BFAR: variants seen among roughly 807,000 people sequenced by gnomAD.
BFAR encodes RING finger protein 47.
BFAR carries 52 observed loss-of-function variants against 54.4 expected under a neutral mutation model. The observed-to-expected ratio is 0.96, with a 90% CI of 0.77 to 1.21. BFAR has a LOEUF of 1.21. BFAR is among the 50% of genes most tolerant of loss of function. The probability of loss-of-function intolerance (pLI) is 0.00; values close to 1 mark genes in which losing one functional copy is unlikely to be tolerated. For synonymous variants in BFAR, 215 were observed against 204.3 expected (o/e 1.05, Z -0.45); for missense variants, 571 against 534.0 (o/e 1.07, Z -0.68).
chr16:14,639,633 T>C (rs1392713933), intron 1 of BFAR, among the ~76,000 whole-genome samples: 2 of 152,158 alleles, frequency 1.3e-5, no homozygotes, highest in African/African-American at 4.8e-5. Flanking sequence ...AGAAACAAGT[T>C]CTTTAGTTAC....
rs1330893011 is a variant in BFAR at position 14,652,795 on chromosome 16, ATT to A, written c.639-2269_639-2268del. Among the ~76,000 whole-genome samples the A allele has an allele frequency of 3.3e-5, 5 of 152,174 alleles. No homozygotes were observed. In the East Asian group the frequency reaches 9.6e-4, roughly 29 times the overall value. ...TTTGTATGTATACATGTATATATAT[ATT>A]TACATCTATATCCACCCCCTAAGGG... On this transcript the variant is annotated intron_variant, in intron 4 of 7. Coordinates refer to ENST00000261658, the MANE Select transcript of BFAR (RefSeq NM_016561.3).
At chr16:14,637,572 C>T (rs918199340) in intron 1 of BFAR, among the ~76,000 whole-genome samples, 44 of 152,284 alleles carry the variant, frequency 2.9e-4, no homozygotes, top group South Asian at 6.2e-4. Flanking sequence ...CAATGGCTCA[C>T]GCCTGTAAAT....
Position 14,665,059 on chromosome 16 carries a change from G to C in BFAR, c.1148G>C (p.Arg383Thr). The C allele has an allele frequency of 6.2e-7, 1 of 1,610,494 alleles. No individual in the cohort carries two copies. Among genetic ancestry groups the C allele is most frequent in the Non-Finnish European group, 8.5e-7 (1 of 1,176,712 alleles). Residue 383 changes from arginine (R) to threonine (T), a missense_variant, in exon 7 of 8, where the codon AGA becomes ACA. Physicochemically the swap from Arg to Thr is moderately conservative, Grantham distance 71. Coordinates refer to ENST00000261658, the MANE Select transcript of BFAR (RefSeq NM_016561.3). ...TTCTCCTTTTGGAGAATCTGGTCGA[G>C]AAGTGAACTGAAGTAAGTATGTTTT... ...ELFSFWRIWS[R>T]SELKTVPQRM...
At position 14,667,889 on chromosome 16, in the gene BFAR, A is replaced by G; in HGVS notation, c.*62A>G. The G allele has an allele frequency of 2.0e-6, 3 of 1,524,490 alleles. No homozygotes were observed. The highest frequency in any genetic ancestry group is 2.7e-6 in the Non-Finnish European group (3 of 1,106,778). The allele number at this position is 1,524,490 out of a possible 1,614,324, so 94.4% of individuals were successfully genotyped here. A position where few individuals can be genotyped will look rare whatever the true frequency, so the allele number is the denominator to read the frequency against. ...TGACGTCTGAGCTTTGATGCTTAAG[A>G]GGGGTGAGGCAGGGAGCGGACTTCC... On this transcript the variant is annotated 3_prime_UTR_variant, in exon 8 of 8. Coordinates refer to ENST00000261658, the MANE Select transcript of BFAR (RefSeq NM_016561.3).
intron 4 of BFAR, chr16:14,650,333 AAGAG>A (rs898994476): frequency 8.9e-4 from 156 of 175,994 alleles, no homozygotes; most frequent in African/African-American, 3.2e-3. Context: ...CCATCTCAAA[AAGAG>A]AGAGAGAGAG....
Position 14,659,239 on chromosome 16 carries a change from T to G in BFAR, c.784-2653T>G, listed in dbSNP as rs1000183091. ...TATGCAATTTGGTTTTTTTTGTTTTTTTTTGTTTTTTGTTTTTTTTTGAAA... is the reference window on the plus strand; with the variant it reads ...TATGCAATTTGGTTTTTTTTGTTTTGTTTTGTTTTTTGTTTTTTTTTGAAA... On this transcript the variant is annotated intron_variant, in intron 5 of 7. Transcript: ENST00000261658. Among the ~76,000 whole-genome samples the G allele has an allele frequency of 2.1e-4, 31 of 147,944 alleles. 1 individual carries two copies. Among genetic ancestry groups the G allele is most frequent in the South Asian group, 8.6e-4 (4 of 4,648 alleles).
chr16:14,646,899 G>A (rs907929538), intron 2 of BFAR, among the ~76,000 whole-genome samples: 2 of 151,954 alleles, frequency 1.3e-5, no homozygotes, highest in Non-Finnish European at 2.9e-5. Context: ...AATAATTTCA[G>A]TTATGACTTA....
intron 5 of BFAR, among the ~76,000 whole-genome samples, chr16:14,659,236 TTTTTTTTGTTTTTTG>T (rs1960218835): frequency 2.0e-5 from 3 of 146,922 alleles, no homozygotes; most frequent in Admixed American, 6.8e-5. Context: ...TTTTTTTTGT[TTTTTTTTGTTTTTTG>T]TTTTTTTTTG....
intron 5 of BFAR, among the ~76,000 whole-genome samples, chr16:14,661,649 C>T (rs1960291046): frequency 6.6e-6 from 1 of 151,988 alleles, no homozygotes; most frequent in Admixed American, 6.6e-5. Context: ...GTGATCCGTC[C>T]ACCTCGGCCT....
chr16:14,636,200 G>T (rs781659827), intron 1 of BFAR, among the ~76,000 whole-genome samples: 2 of 152,168 alleles, frequency 1.3e-5, no homozygotes, highest in Admixed American at 6.6e-5. Flanking sequence ...TAGGTGGAAC[G>T]AGAGACTTGG....
intron 1 of BFAR, 83 bp from the exon 2 acceptor site, chr16:14,644,191 A>C: frequency 1.3e-6 from 1 of 790,210 alleles, no homozygotes; most frequent in Non-Finnish European, 2.0e-6. Context: ...TTAGCGCTTC[A>C]ATAGAATGTC....
chr16:14,662,157 T>G, intron 6 of BFAR, 92 bp downstream of exon 6: 1 of 1,450,328 alleles, frequency 6.9e-7, no homozygotes, highest in Non-Finnish European at 9.6e-7. Flanking sequence ...TTTCTTCAGT[T>G]TGACCCATGA....
At chr16:14,635,752 TTC>T (rs539823348) in intron 1 of BFAR, among the ~76,000 whole-genome samples, 45 of 151,886 alleles carry the variant, frequency 3.0e-4, no homozygotes, top group Non-Finnish European at 3.5e-4. Context: ...CTGGAAATGC[TTC>T]TCTCTCTTTT....
intron 1 of BFAR, among the ~76,000 whole-genome samples, chr16:14,640,058 G>A (rs1009488176): frequency 6.6e-6 from 1 of 151,856 alleles, no homozygotes; most frequent in Admixed American, 6.6e-5. Flanking sequence ...GGCTGAGGCA[G>A]GAGGATCACC....
intron 2 of BFAR, among the ~76,000 whole-genome samples, chr16:14,646,688 G>A (rs1172966631): frequency 6.6e-6 from 1 of 150,668 alleles, no homozygotes; most frequent in African/African-American, 2.4e-5. Flanking sequence ...CGTAGAGACA[G>A]AGTTTCTCCA....
At chr16:14,662,874 C>T (rs1182164576) in intron 6 of BFAR, among the ~76,000 whole-genome samples, 2 of 152,050 alleles carry the variant, frequency 1.3e-5, no homozygotes, top group African/African-American at 2.4e-5. Context: ...CCGAGCTCCC[C>T]GAGTGAGCAA....
chr16:14,639,106 A>G (rs899382494), intron 1 of BFAR, among the ~76,000 whole-genome samples: 2 of 152,172 alleles, frequency 1.3e-5, no homozygotes, highest in Admixed American at 6.6e-5. Flanking sequence ...AGCCCTCTGG[A>G]TAGATCCATA....
At chr16:14,652,759 A>G (rs1960009405) in intron 4 of BFAR, among the ~76,000 whole-genome samples, 1 of 152,118 alleles carries the variant, frequency 6.6e-6, no homozygotes, top group Non-Finnish European at 1.5e-5. Context: ...ATTGTACTAA[A>G]CAGACATGTG....
intron 5 of BFAR, 86 bp downstream of exon 5, chr16:14,655,296 A>G: frequency 1.0e-6 from 1 of 958,768 alleles, no homozygotes; most frequent in African/African-American, 2.8e-5. Flanking sequence ...TTTCTTTTTT[A>G]TTTTTGACAG....
Sources: gnomAD v4.1 joint callset for allele counts (sites outside exome capture counted in the v4.1 genomes callset) on GRCh38, gnomAD v4.1.1 for gene constraint, MANE v1.5 for transcripts, NCBI Gene and HGNC (gene_info 2026-07-23, HGNC 2026-07-21) for gene names.